ZNF700: variants seen among roughly 807,000 people sequenced by gnomAD.
ZNF700 encodes the protein zinc finger protein 700.
Under a neutral mutation model 65.3 loss-of-function variants are expected in ZNF700, and 38 were observed. The observed-to-expected ratio is 0.58, with a 90% CI of 0.45 to 0.76. The LOEUF (loss-of-function observed/expected upper bound fraction) is 0.76. ZNF700 is among the 30% of genes least tolerant of loss of function. The probability of loss-of-function intolerance (pLI) is 0.00; values close to 1 mark genes in which losing one functional copy is unlikely to be tolerated. For missense variants in ZNF700, 857 were observed against 888.4 expected, an observed-to-expected ratio of 0.96 and a Z score of 0.45; for synonymous variants, 285 against 290.4, an observed-to-expected ratio of 0.98 and a Z score of 0.19.
chr19:11,932,785 C>T lies in ZNF700; in HGVS notation c.63+7512C>T, dbSNP rs900700573. On this transcript the variant is annotated intron_variant, in intron 1 of 3. Coordinates refer to ENST00000254321, the MANE Select transcript of ZNF700 (RefSeq NM_144566.3). ...CCCAAGTAGCTGGGACTACAGGCAC[C>T]CGCCACCCCGTCCGGCTAATTTTTT... Among the ~76,000 whole-genome samples, 15 of 146,966 alleles carry T rather than the reference C, an allele frequency of 1.0e-4. 1 individual carries two copies. Among genetic ancestry groups the T allele is most frequent in the Admixed American group, 2.7e-4 (4 of 14,942 alleles).
At chr19:11,942,012 G>C (rs1599289379) in intron 1 of ZNF700, among the ~76,000 whole-genome samples, 2 of 152,204 alleles carry the variant, frequency 1.3e-5, no homozygotes, top group African/African-American at 4.8e-5. Flanking sequence ...TTCTCGTTTG[G>C]CCTCTTGTGC....
intron 1 of ZNF700, among the ~76,000 whole-genome samples, chr19:11,935,807 A>G (rs185841163): frequency 5.8e-4 from 89 of 152,296 alleles, no homozygotes; most frequent in Non-Finnish European, 1.0e-3. Context: ...TGTTGCACCC[A>G]TCAACTTGTC....
At chr19:11,938,994 C>G (rs1434470582) in intron 1 of ZNF700, among the ~76,000 whole-genome samples, 1 of 151,868 alleles carries the variant, frequency 6.6e-6, no homozygotes, top group African/African-American at 2.4e-5. Flanking sequence ...GAGCATTTTT[C>G]CATGTGTCTG....
chr19:11,936,535 GTT>G (rs772249566), intron 1 of ZNF700, among the ~76,000 whole-genome samples: 8 of 152,040 alleles, frequency 5.3e-5, no homozygotes, highest in Non-Finnish European at 1.2e-4. Flanking sequence ...TGATGGGGTT[GTT>G]TGTTTTTTTC....
At position 11,950,099 on chromosome 19, in the gene ZNF700, A is replaced by C. The variant is rs746716506; in HGVS notation, c.2075A>C (p.Gln692Pro). The change falls in exon 4 of 4, where the codon CAA (glutamine) becomes CCA (proline). Residue 692 changes from glutamine to proline, a missense_variant. Physicochemically the swap from Gln to Pro is moderately conservative, Grantham distance 76. Coordinates refer to ENST00000254321, the MANE Select transcript of ZNF700 (RefSeq NM_144566.3). ...GNGFTSAKIL[Q>P]IHARTHIGEK... ...GGATTCACATCTGCCAAGATTCTTC[A>C]AATACATGCAAGAACACACATTGGA... 1.9e-6 allele frequency: 3 copies of C among 1,614,182 alleles called. No homozygotes were observed. In the South Asian group the frequency reaches 3.3e-5, roughly 18 times the overall value.
At position 11,949,063 on chromosome 19, in the gene ZNF700, A is replaced by G. The variant is rs761400430; in HGVS notation, c.1039A>G (p.Ile347Val). 3.1e-6 allele frequency: 5 copies of G among 1,609,078 alleles called. No homozygotes were observed. The highest frequency in any genetic ancestry group is 2.2e-5 in the East Asian group (1 of 44,888). ...ATATGGGGAAGGCTTATCCTATCTTATAAGTTTTCAAACACACATAAGAAT... is the reference window on the plus strand; with the variant it reads ...ATATGGGGAAGGCTTATCCTATCTTGTAAGTTTTCAAACACACATAAGAAT... ...KQYGEGLSYL[I>V]SFQTHIRMNS... is the part of the protein sequence containing the mutation. The change falls in exon 4 of 4, where the codon ATA (isoleucine) becomes GTA (valine). Residue 347 changes from isoleucine (I) to valine (V), a missense_variant. By Grantham distance (29) the Ile-to-Val change is conservative. Coordinates refer to ENST00000254321, the MANE Select transcript of ZNF700 (RefSeq NM_144566.3).
chr19:11,944,128 T>C (rs1463358441), intron 1 of ZNF700, among the ~76,000 whole-genome samples: 1 of 152,182 alleles, frequency 6.6e-6, no homozygotes, highest in Non-Finnish European at 1.5e-5. Context: ...GAGAATAAGC[T>C]AATGGGGCGT....
chr19:11,950,152 G>T lies in ZNF700; in HGVS notation c.2128G>T (p.Gly710Ter). Residue 710 changes from glycine to a stop codon, truncating the protein, a stop_gained, in exon 4 of 4, where the codon GGA becomes TGA. Coordinates refer to ENST00000254321, the MANE Select transcript of ZNF700 (RefSeq NM_144566.3). LOFTEE classifies it high-confidence loss of function. ...GAAACACTATGAATGTAAGGAATGCGGAAAAGCATTCAATTATTTTTCTTC... is the reference window on the plus strand; with the variant it reads ...GAAACACTATGAATGTAAGGAATGCTGAAAAGCATTCAATTATTTTTCTTC... ...GEKHYECKEC[G>*]KAFNYFSSLH... 2 of 1,613,840 alleles carry T rather than the reference G, an allele frequency of 1.2e-6. No homozygotes were observed. The highest frequency in any genetic ancestry group is 1.7e-6 in the Non-Finnish European group (2 of 1,179,938).
At position 11,942,584 on chromosome 19, in the gene ZNF700, T is replaced by A. The variant is rs376740943; in HGVS notation, c.64-4597T>A. Among the ~76,000 whole-genome samples the A allele has an allele frequency of 7.2e-5, 11 of 152,114 alleles. No homozygotes were observed. The East Asian group carries it at 2.1e-3, about 29-fold the overall frequency. ...ACCGAGCTCCCAGAGAGAGAGAAATTCCTGCCCCTTTTGAAGGCTTACACA... is the reference window on the plus strand; with the variant it reads ...ACCGAGCTCCCAGAGAGAGAGAAATACCTGCCCCTTTTGAAGGCTTACACA... On this transcript the variant is annotated intron_variant, in intron 1 of 3. Coordinates refer to ENST00000254321, the MANE Select transcript of ZNF700 (RefSeq NM_144566.3).
In ZNF700 at chr19:11,949,422, G is replaced by A; in HGVS notation, c.1398G>A (p.Arg466=). The A allele has an allele frequency of 6.2e-7, 1 of 1,613,522 alleles. No homozygotes were observed. Among genetic ancestry groups the A allele is most frequent in the Non-Finnish European group, 8.5e-7 (1 of 1,179,866 alleles). The change falls in exon 4 of 4, where the codon AGG becomes AGA. Residue 466 remains arginine, a synonymous_variant. Transcript: ENST00000254321. ...CCTCACACCTTCGAGTGCATGGTAG[G>A]ACTCATACTGGAGAGAAACCCTATG... ...RSTSHLRVHG[R]THTGEKPYEC... is the part of the protein sequence containing the mutation.
chr19:11,940,888 A>G (rs1416223011), intron 1 of ZNF700, among the ~76,000 whole-genome samples: 1 of 152,190 alleles, frequency 6.6e-6, no homozygotes. Flanking sequence ...AGGCCCCACC[A>G]GAATAGCTAG....
intron 1 of ZNF700, among the ~76,000 whole-genome samples, chr19:11,937,490 CT>C (rs1053539594): frequency 0.09 from 11,650 of 128,824 alleles, 862 homozygotes; most frequent in African/African-American, 0.18. Context: ...TTTTTCTTTC[CT>C]TTTTTTTTTT....
chr19:11,929,821 A>C (rs1490795691), intron 1 of ZNF700, among the ~76,000 whole-genome samples: 1 of 148,262 alleles, frequency 6.7e-6, no homozygotes, highest in Non-Finnish European at 1.5e-5. Flanking sequence ...CATGAGAGGA[A>C]AGCAGAGAAT....
intron 1 of ZNF700, among the ~76,000 whole-genome samples, chr19:11,935,326 T>C (rs1972779127): frequency 7.3e-6 from 1 of 137,252 alleles, no homozygotes; most frequent in Non-Finnish European, 1.5e-5. Context: ...AACATCTGCC[T>C]CCCAGGTTCA....
chr19:11,934,993 C>G (rs529115563), intron 1 of ZNF700, among the ~76,000 whole-genome samples: 2 of 146,348 alleles, frequency 1.4e-5, no homozygotes. Flanking sequence ...CTGGCTAACA[C>G]TGTGAAACCC....
At chr19:11,932,312 C>G (rs934289807) in intron 1 of ZNF700, among the ~76,000 whole-genome samples, 1 of 147,002 alleles carries the variant, frequency 6.8e-6, no homozygotes, top group Non-Finnish European at 1.5e-5. Flanking sequence ...CCACTACACT[C>G]CAGCCTGGGT....
intron 1 of ZNF700, among the ~76,000 whole-genome samples, chr19:11,941,532 G>A (rs1271210829): frequency 6.6e-6 from 1 of 152,222 alleles, no homozygotes; most frequent in Non-Finnish European, 1.5e-5. Context: ...TGCAGCCGCT[G>A]GCCCAGGTGC....
chr19:11,930,311 C>G (rs1368450822), intron 1 of ZNF700, among the ~76,000 whole-genome samples: 1 of 148,284 alleles, frequency 6.7e-6, no homozygotes, highest in Non-Finnish European at 1.5e-5. Flanking sequence ...TCCCAAAAGA[C>G]AAGGAAAGGC....
intron 3 of ZNF700, 23 bp downstream of exon 3, chr19:11,947,597 A>C (rs1444241372): frequency 6.2e-7 from 1 of 1,603,708 alleles, no homozygotes; most frequent in African/African-American, 1.3e-5. Flanking sequence ...TCCAAGAGAA[A>C]GCAGTGTCTC....
Sources: allele counts gnomAD v4.1 joint callset (sites outside exome capture counted in the v4.1 genomes callset), GRCh38; gene constraint gnomAD v4.1.1; transcripts MANE v1.5; gene names NCBI Gene and HGNC (gene_info 2026-07-23, HGNC 2026-07-21).